Variants in SHOC1 observed in about 807,000 individuals in gnomAD.
SHOC1 encodes shortage in chiasmata 1.
Under a neutral mutation model 179.2 loss-of-function variants are expected in SHOC1, and 136 were observed. That is an observed-to-expected ratio of 0.76 (90% CI 0.66 to 0.87). The LOEUF (loss-of-function observed/expected upper bound fraction) is 0.87. Among genes scored for constraint, SHOC1 ranks in the 40% least tolerant of loss-of-function variants. SHOC1 has a pLI of 0.00. For missense variants in SHOC1, 1,538 were observed against 1,700.8 expected, an observed-to-expected ratio of 0.90 and a Z score of 1.68; for synonymous variants, 489 against 586.6, an observed-to-expected ratio of 0.83 and a Z score of 2.41.
chr9:111,780,055 G>A (rs1437105769), intron 4 of SHOC1, among the ~76,000 whole-genome samples: 1 of 152,102 alleles, frequency 6.6e-6, no homozygotes, highest in Non-Finnish European at 1.5e-5. Flanking sequence ...TAGACTTTAT[G>A]TTGGTCATCC....
chr9:111,757,105 T>G (rs1027642062), intron 7 of SHOC1, among the ~76,000 whole-genome samples: 1 of 152,156 alleles, frequency 6.6e-6, no homozygotes, highest in Non-Finnish European at 1.5e-5. Flanking sequence ...CCTAAAAAAA[T>G]GTTTTTTGTG....
chr9:111,784,867 C>T (rs773753949), intron 3 of SHOC1, among the ~76,000 whole-genome samples: 1 of 152,084 alleles, frequency 6.6e-6, no homozygotes, highest in Non-Finnish European at 1.5e-5. Context: ...TATAAGGGTA[C>T]TAATCCCTTT....
At chr9:111,792,526 T>C (rs571806530) in intron 1 of SHOC1, among the ~76,000 whole-genome samples, 1 of 152,206 alleles carries the variant, frequency 6.6e-6, no homozygotes, top group South Asian at 2.1e-4. Context: ...TGCTTGAGCC[T>C]GGGAGGTGGA....
chr9:111,794,670 T>C (rs1323582326), intron 1 of SHOC1, among the ~76,000 whole-genome samples: 1 of 152,194 alleles, frequency 6.6e-6, no homozygotes, highest in African/African-American at 2.4e-5. Context: ...TTCTAGTTGA[T>C]GGGCTGAAAT....
chr9:111,778,506 G>A (rs1208158069), intron 4 of SHOC1, among the ~76,000 whole-genome samples: 1 of 152,048 alleles, frequency 6.6e-6, no homozygotes, highest in Admixed American at 6.6e-5. Flanking sequence ...AGTGGCTCAC[G>A]CCTGTAATCC....
At chr9:111,740,221 G>T (rs1253810051) in intron 11 of SHOC1, among the ~76,000 whole-genome samples, 1 of 151,968 alleles carries the variant, frequency 6.6e-6, no homozygotes, top group African/African-American at 2.4e-5. Context: ...TTTATGTAGG[G>T]GTCCCCTATC....
intron 20 of SHOC1, 61 bp downstream of exon 20, chr9:111,706,507 C>A: frequency 7.8e-7 from 1 of 1,277,946 alleles, no homozygotes; most frequent in Non-Finnish European, 1.0e-6. Flanking sequence ...AAATCATAAA[C>A]AAAAAATAGA....
intron 13 of SHOC1, 145 bp from the exon 14 acceptor site, chr9:111,724,056 G>T: frequency 1.6e-6 from 1 of 628,382 alleles, no homozygotes; most frequent in Non-Finnish European, 2.7e-6. Context: ...CAACTATTCA[G>T]ATCAATGGAA....
At chr9:111,752,794 T>G (rs992662496) in intron 8 of SHOC1, among the ~76,000 whole-genome samples, 80 of 152,002 alleles carry the variant, frequency 5.3e-4, no homozygotes, top group Non-Finnish European at 1.9e-4. Context: ...TAAAACAATA[T>G]CTGAAGTAAA....
chr9:111,741,652 G>A (rs561224755), intron 10 of SHOC1, 82 bp from the exon 11 acceptor site: 6 of 732,338 alleles, frequency 8.2e-6, no homozygotes, highest in Non-Finnish European at 1.2e-5. Context: ...TTATTTTTTT[G>A]AGGCAGAGTC....
Position 111,691,665 on chromosome 9 carries a change from C to T in SHOC1, c.4312G>A (p.Ala1438Thr), listed in dbSNP as rs148235407. ...LDLFRASDSN[A>T]NQKEFNSLYF... ...AGGCTGTTGAATTCTTTTTGATTTG[C>T]ATTAGAATCAGAAGCACGAAATAAA... is the stretch of plus-strand genomic sequence containing the variant. Residue 1438 changes from alanine to threonine, a missense_variant, in exon 27 of 28, where the codon GCA becomes ACA. Ala to Thr is a moderately conservative substitution (Grantham distance 58). Transcript: ENST00000682961. 1.7e-5 allele frequency: 27 copies of T among 1,613,896 alleles called. No individual in the cohort carries two copies. In the African/African-American group the frequency reaches 3.5e-4, roughly 21 times the overall value.
intron 15 of SHOC1, among the ~76,000 whole-genome samples, chr9:111,721,884 T>C (rs548691269): frequency 6.6e-6 from 1 of 152,300 alleles, no homozygotes; most frequent in African/African-American, 2.4e-5. Flanking sequence ...GCTAGGGTAA[T>C]GGTAGGGCTC....
At chr9:111,750,138 C>T (rs1464087471) in intron 8 of SHOC1, among the ~76,000 whole-genome samples, 1 of 152,162 alleles carries the variant, frequency 6.6e-6, no homozygotes, top group African/African-American at 2.4e-5. Flanking sequence ...AATTTTCACT[C>T]CCAACAACAG....
intron 5 of SHOC1, among the ~76,000 whole-genome samples, chr9:111,760,899 A>G (rs1835106136): frequency 6.6e-6 from 1 of 151,742 alleles, no homozygotes; most frequent in Non-Finnish European, 1.5e-5. Context: ...TTACAAAGTA[A>G]ATCTGGAAGA....
intron 18 of SHOC1, among the ~76,000 whole-genome samples, chr9:111,708,745 AT>A (rs1452012419): frequency 1.3e-5 from 2 of 152,166 alleles, no homozygotes; most frequent in Non-Finnish European, 2.9e-5. Flanking sequence ...CATACTTTAA[AT>A]TTCTTATTTT....
At chr9:111,751,083 A>C (rs1445962501) in intron 8 of SHOC1, among the ~76,000 whole-genome samples, 1 of 152,126 alleles carries the variant, frequency 6.6e-6, no homozygotes, top group Non-Finnish European at 1.5e-5. Context: ...CTCCCCCAGC[A>C]CCATTTATTA....
intron 15 of SHOC1, among the ~76,000 whole-genome samples, chr9:111,720,286 A>G (rs1412138583): frequency 2.0e-5 from 3 of 152,116 alleles, no homozygotes; most frequent in Non-Finnish European, 4.4e-5. Flanking sequence ...AATGTTACTC[A>G]TTGTCTTTGC....
intron 11 of SHOC1, among the ~76,000 whole-genome samples, chr9:111,740,678 T>C (rs898298566): frequency 1.3e-5 from 2 of 152,154 alleles, no homozygotes; most frequent in Non-Finnish European, 2.9e-5. Flanking sequence ...TTCGAGCGAT[T>C]CTCCTGCCTC....
At chr9:111,775,391 T>G (rs1167453443) in intron 5 of SHOC1, among the ~76,000 whole-genome samples, 1 of 152,206 alleles carries the variant, frequency 6.6e-6, no homozygotes, top group Non-Finnish European at 1.5e-5. Flanking sequence ...GAACCTTGGT[T>G]TCACATAAAT....
Sources: gnomAD v4.1 joint callset for allele counts (sites outside exome capture counted in the v4.1 genomes callset) on GRCh38, gnomAD v4.1.1 for gene constraint, MANE v1.5 for transcripts, NCBI Gene and HGNC (gene_info 2026-07-23, HGNC 2026-07-21) for gene names.